The following CCDC171 variants were observed in gnomAD, a reference collection of about 807,000 sequenced individuals.
The protein encoded by CCDC171 is coiled-coil domain containing 171.
In CCDC171, 177 loss-of-function variants were observed where a neutral mutation model predicts 168.2. That is an observed-to-expected ratio of 1.05 (90% confidence interval 0.93 to 1.19). The LOEUF (loss-of-function observed/expected upper bound fraction) is 1.19, where lower values mean the gene tolerates loss of function less well. Among genes scored for constraint, CCDC171 ranks in the 50% most tolerant of loss-of-function variants. CCDC171 has a pLI of 0.00. For synonymous variants in CCDC171, 687 were observed against 540.8 expected (o/e 1.27, Z -3.75); for missense variants, 1,991 against 1,539.0 (o/e 1.29, Z -4.91).
intron 11 of CCDC171, among the ~76,000 whole-genome samples, chr9:15,706,597 A>C (rs1045284735): frequency 6.6e-6 from 1 of 152,044 alleles, no homozygotes; most frequent in Non-Finnish European, 1.5e-5. Flanking sequence ...CCCATGTAGT[A>C]TTTTTGCTGT....
chr9:15,990,541 C>T (rs1482172838), intron 3 of CCDC171, among the ~76,000 whole-genome samples: 1 of 152,150 alleles, frequency 6.6e-6, no homozygotes, highest in African/African-American at 2.4e-5. Flanking sequence ...GACCAGCTAA[C>T]ATCATAATGA....
intron 23 of CCDC171, among the ~76,000 whole-genome samples, chr9:15,865,002 T>C (rs1372683164): frequency 1.5e-4 from 23 of 152,084 alleles, no homozygotes; most frequent in Non-Finnish European, 2.9e-5. Context: ...TACCAAAGAA[T>C]GTTCACTGAG....
intron 7 of CCDC171, among the ~76,000 whole-genome samples, chr9:15,652,736 C>T (rs904496261): frequency 1.3e-5 from 2 of 152,188 alleles, no homozygotes; most frequent in Non-Finnish European, 2.9e-5. Flanking sequence ...CCACCATGCT[C>T]AGCTGATCAC....
intron 24 of CCDC171, among the ~76,000 whole-genome samples, chr9:15,912,218 A>G (rs1006501201): frequency 1.3e-5 from 2 of 151,942 alleles, no homozygotes; most frequent in African/African-American, 2.4e-5. Flanking sequence ...GTCCTTTCTT[A>G]TTTCCTTGAG....
chr9:15,992,011 C>G (rs938366862), intron 3 of CCDC171, among the ~76,000 whole-genome samples: 1 of 152,218 alleles, frequency 6.6e-6, no homozygotes, highest in Non-Finnish European at 1.5e-5. Flanking sequence ...CAAGGAGGAG[C>G]TGGCTCCATT....
intron 11 of CCDC171, among the ~76,000 whole-genome samples, chr9:15,717,229 CCT>C (rs756173244): frequency 3.3e-5 from 5 of 152,098 alleles, no homozygotes; most frequent in African/African-American, 4.8e-5. Flanking sequence ...TCAGTGATGC[CCT>C]GTCACAGTGG....
At chr9:15,996,513 C>T (rs1466217052) in intron 3 of CCDC171, among the ~76,000 whole-genome samples, 1 of 143,170 alleles carries the variant, frequency 7.0e-6, no homozygotes, top group African/African-American at 2.6e-5. Context: ...CACATGAGGT[C>T]GGGTGTGGAA....
At chr9:15,923,115 A>C (rs1287050618) in intron 25 of CCDC171, among the ~76,000 whole-genome samples, 1 of 151,240 alleles carries the variant, frequency 6.6e-6, no homozygotes, top group African/African-American at 2.4e-5. Context: ...TTTTAAGATC[A>C]TATCCCAAAA....
intron 7 of CCDC171, among the ~76,000 whole-genome samples, chr9:15,625,079 T>G (rs1479254140): frequency 3.3e-5 from 5 of 152,224 alleles, no homozygotes; most frequent in Non-Finnish European, 5.9e-5. Flanking sequence ...ATGATGAGCA[T>G]TTTTTCATGT....
rs372767046 is a variant in CCDC171 at position 15,752,388 on chromosome 9, A to G, written c.2671+6757A>G. On this transcript the variant is annotated intron_variant, in intron 18 of 25. Coordinates refer to ENST00000380701, the MANE Select transcript of CCDC171 (RefSeq NM_173550.4). The stretch of plus-strand genomic sequence containing the variant: ...CTAGAAATACCATTTGACCCAAGCA[A>G]TTCCACTTACTGGTATATACTGAAA... Among the ~76,000 whole-genome samples, 350 of 152,278 alleles carry G rather than the reference A, an allele frequency of 2.3e-3. 1 individual carries two copies. Among genetic ancestry groups the G allele is most frequent in the African/African-American group, 7.7e-3 (319 of 41,550 alleles).
At position 15,614,674 on chromosome 9, in the gene CCDC171, C is replaced by G. The variant is rs575441603; in HGVS notation, c.676-8593C>G. 6.8e-4 allele frequency among the ~76,000 whole-genome samples: 103 copies of G among 152,252 alleles called. No homozygotes were observed. The Middle Eastern group carries it at 0.014, about 20-fold the overall frequency. ...CATTTCTCTTAGGTTGCCCCTCCCC[C>G]TTTAACATTATTTGATTTAGATTTT... On this transcript the variant is annotated intron_variant, in intron 6 of 25. Coordinates refer to ENST00000380701, the MANE Select transcript of CCDC171 (RefSeq NM_173550.4).
chr9:15,733,176 G>A (rs1021337223), intron 16 of CCDC171, among the ~76,000 whole-genome samples: 6 of 151,928 alleles, frequency 3.9e-5, no homozygotes, highest in Admixed American at 2.6e-4. Context: ...TTTTCTTATC[G>A]TCAAATTTTG....
intron 25 of CCDC171, among the ~76,000 whole-genome samples, chr9:15,940,882 C>T (rs935078242): frequency 2.6e-5 from 4 of 151,758 alleles, no homozygotes; most frequent in Non-Finnish European, 2.9e-5. Context: ...CAAAACATAG[C>T]GTTAAGAAGT....
intron 24 of CCDC171, among the ~76,000 whole-genome samples, chr9:15,911,461 G>A (rs112550946): frequency 0.093 from 14,220 of 152,162 alleles, 1,678 homozygotes; most frequent in African/African-American, 0.27. Flanking sequence ...TTGTCAGATG[G>A]ATAGATTGCA....
chr9:15,631,176 C>G (rs541359974), intron 7 of CCDC171, among the ~76,000 whole-genome samples: 1 of 151,780 alleles, frequency 6.6e-6, no homozygotes, highest in Non-Finnish European at 1.5e-5. Context: ...AAAATCAGAG[C>G]AGAACTGAAG....
rs57733700 is a variant in CCDC171, at chr9:15,855,252, G to T, written c.3468+6305G>T. ...TTTGCTTCATATATTTTGAGATTAT[G>T]TGGAAATTGTTATATCTTCTTGATG... On this transcript the variant is annotated intron_variant, in intron 23 of 25. Coordinates refer to ENST00000380701, the MANE Select transcript of CCDC171 (RefSeq NM_173550.4). 6.0e-3 allele frequency among the ~76,000 whole-genome samples: 916 copies of T among 151,826 alleles called. 10 individuals are homozygous for T. Among genetic ancestry groups the T allele is most frequent in the African/African-American group, 0.022 (893 of 41,468 alleles).
At chr9:15,654,687 A>C (rs1453041848) in intron 7 of CCDC171, among the ~76,000 whole-genome samples, 2 of 152,184 alleles carry the variant, frequency 1.3e-5, no homozygotes, top group South Asian at 4.1e-4. Context: ...AGATGGCCGA[A>C]TAGGAACAGC....
chr9:15,607,958 C>T (rs1250715093), intron 6 of CCDC171, among the ~76,000 whole-genome samples: 1 of 152,124 alleles, frequency 6.6e-6, no homozygotes, highest in Non-Finnish European at 1.5e-5. Context: ...TCTTGCAGTT[C>T]TGGAGGCTGA....
chr9:15,567,187 A>G (rs2039814817), intron 2 of CCDC171, among the ~76,000 whole-genome samples: 1 of 151,910 alleles, frequency 6.6e-6, no homozygotes, highest in African/African-American at 2.4e-5. Flanking sequence ...GTGCCCAGCT[A>G]ATTTTTGTAT....
Sources: gnomAD v4.1 joint callset for allele counts (sites outside exome capture counted in the v4.1 genomes callset) on GRCh38, gnomAD v4.1.1 for gene constraint, MANE v1.5 for transcripts, NCBI Gene and HGNC (gene_info 2026-07-23, HGNC 2026-07-21) for gene names.